The following DCDC1 variants were observed in gnomAD, a reference collection of about 807,000 sequenced individuals.
DCDC1 encodes the protein doublecortin domain-containing protein 1.
Under a neutral mutation model 178.3 loss-of-function variants are expected in DCDC1, and 200 were observed. The ratio of observed to expected loss-of-function variants is 1.12; its 90% confidence interval spans 1.00 to 1.26. DCDC1 has a LOEUF of 1.26. DCDC1 is among the 50% of genes most tolerant of loss of function. The pLI is 0.00. For missense variants in DCDC1, 1,983 were observed against 1,749.2 expected, an observed-to-expected ratio of 1.13 and a Z score of -2.38; for synonymous variants, 690 against 604.8, an observed-to-expected ratio of 1.14 and a Z score of -2.07.
chr11:30,873,047 A>G (rs769102775), intron 38 of DCDC1, among the ~76,000 whole-genome samples: 4 of 149,842 alleles, frequency 2.7e-5, no homozygotes, highest in Non-Finnish European at 5.9e-5. Flanking sequence ...TGCATATACC[A>G]TGTATATACA....
chr11:31,038,125 G>A (rs1342019251), intron 20 of DCDC1, among the ~76,000 whole-genome samples: 1 of 150,762 alleles, frequency 6.6e-6, no homozygotes, highest in African/African-American at 2.4e-5. Flanking sequence ...TGTAAATGAC[G>A]ATTTAATGGG....
At chr11:30,924,918 A>G (rs1052805032) in intron 23 of DCDC1, among the ~76,000 whole-genome samples, 1 of 152,044 alleles carries the variant, frequency 6.6e-6, no homozygotes, top group Non-Finnish European at 1.5e-5. Context: ...CCGAAAATAC[A>G]AAAAATCAGC....
chr11:31,294,754 AAGAAAT>A (rs1947506401), intron 6 of DCDC1, among the ~76,000 whole-genome samples: 1 of 149,004 alleles, frequency 6.7e-6, no homozygotes, highest in Admixed American at 6.7e-5. Flanking sequence ...GAGGAAAAGA[AAGAAAT>A]AGAAAGAGAA....
chr11:31,049,712 C>T (rs1307337226), intron 20 of DCDC1, among the ~76,000 whole-genome samples: 1 of 152,138 alleles, frequency 6.6e-6, no homozygotes, highest in Non-Finnish European at 1.5e-5. Context: ...AAAGGGAGAC[C>T]CTCCTCTCCC....
intron 3 of DCDC1, among the ~76,000 whole-genome samples, chr11:31,313,231 A>G (rs1591730596): frequency 6.6e-6 from 1 of 152,152 alleles, no homozygotes; most frequent in East Asian, 1.9e-4. Flanking sequence ...TATAAGTTAC[A>G]CATTTGCTTA....
chr11:31,296,918 T>C (rs778579806), intron 6 of DCDC1, among the ~76,000 whole-genome samples: 2 of 152,188 alleles, frequency 1.3e-5, no homozygotes, highest in Non-Finnish European at 1.5e-5. Context: ...GAGGGGATTA[T>C]ATTTCAGATT....
chr11:31,088,421 T>C (rs1297422802), intron 17 of DCDC1, among the ~76,000 whole-genome samples: 2 of 152,110 alleles, frequency 1.3e-5, no homozygotes, highest in East Asian at 3.8e-4. Context: ...TTATTTTTAA[T>C]ATTTCATTTT....
intron 9 of DCDC1, among the ~76,000 whole-genome samples, chr11:31,157,746 T>C (rs1309308953): frequency 6.6e-6 from 1 of 152,084 alleles, no homozygotes; most frequent in East Asian, 1.9e-4. Flanking sequence ...ATGAAAAATG[T>C]CTAGAAATGC....
chr11:30,903,553 C>T lies in DCDC1; in HGVS notation c.4439G>A (p.Arg1480Lys), dbSNP rs1279369686. 1 of 1,607,636 alleles carries T rather than the reference C, an allele frequency of 6.2e-7. No individual in the cohort carries two copies. The highest frequency in any genetic ancestry group is 8.5e-7 in the Non-Finnish European group (1 of 1,176,898). ...ATCTTGCTTTTGTTTCTCAGAGTCTCTCTGGAGAAAGGATTCATCTAGAGC... is the reference window on the plus strand; with the variant it reads ...ATCTTGCTTTTGTTTCTCAGAGTCTTTCTGGAGAAAGGATTCATCTAGAGC... ...LWALDESFLQ[R>K]DSEKQKQDAA... is the part of the protein sequence containing the mutation. Residue 1480 changes from arginine to lysine, a missense_variant, in exon 32 of 39, where the codon AGA (arginine) becomes AAA (lysine). Arg to Lys is a conservative substitution (Grantham distance 26). Coordinates refer to ENST00000684477, the MANE Select transcript of DCDC1 (RefSeq NM_001387274.1).
Position 31,299,168 on chromosome 11 carries a change from C to T in DCDC1, c.754+6447G>A, listed in dbSNP as rs186644395. ...CTAGTCACTCCCTTTTCTCTAAATA[C>T]TTGCGCTCTTTGTTTCTGCATGTTC... On this transcript the variant is annotated intron_variant, in intron 6 of 38. Transcript: ENST00000684477. Among the ~76,000 whole-genome samples, 154 of 152,310 alleles carry T rather than the reference C, an allele frequency of 1.0e-3. 1 individual carries two copies. Among genetic ancestry groups the T allele is most frequent in the African/African-American group, 3.4e-3 (142 of 41,572 alleles).
At chr11:30,949,769 A>AC (rs2134461650) in intron 21 of DCDC1, among the ~76,000 whole-genome samples, 1 of 141,392 alleles carries the variant, frequency 7.1e-6, no homozygotes, top group East Asian at 2.2e-4. Context: ...AAAACCAAAC[A>AC]CCGTATGTTC....
Position 30,885,450 on chromosome 11 carries a change from A to G in DCDC1, c.5083-4142T>C, listed in dbSNP as rs527302850. On this transcript the variant is annotated intron_variant, in intron 36 of 38. Transcript: ENST00000684477. ...GAAATTTCTTACAACAAATCTAATAAAGTTACATGTAATACCCTTACTACT... is the reference window on the plus strand; with the variant it reads ...GAAATTTCTTACAACAAATCTAATAGAGTTACATGTAATACCCTTACTACT... Among the ~76,000 whole-genome samples, 10 of 152,118 alleles carry G rather than the reference A, an allele frequency of 6.6e-5. 1 individual carries two copies. The South Asian group carries it at 2.1e-3, about 32-fold the overall frequency.
intron 7 of DCDC1, 109 bp downstream of exon 7, chr11:31,290,538 T>C (rs1387116217): frequency 1.7e-6 from 2 of 1,196,074 alleles, no homozygotes; most frequent in Non-Finnish European, 2.3e-6. Flanking sequence ...AATGTCTTGT[T>C]AATATTTCTA....
At chr11:31,002,792 C>T (rs1951644939) in intron 20 of DCDC1, among the ~76,000 whole-genome samples, 2 of 152,040 alleles carry the variant, frequency 1.3e-5, no homozygotes, top group African/African-American at 4.8e-5. Flanking sequence ...TGTGACCAAA[C>T]ACTCTCATCA....
rs142369803 is a variant in DCDC1 at position 30,960,628 on chromosome 11, C to T, written c.2592-8060G>A. ...ATGCAATGCTTGCAGGCAGCCTTTT[C>T]GTAGTCCCCTGGAGAACTTGCTTCT... On this transcript the variant is annotated intron_variant, in intron 20 of 38. Transcript: ENST00000684477. Among the ~76,000 whole-genome samples the T allele has an allele frequency of 1.4e-3, 210 of 152,212 alleles. 1 individual carries two copies. The highest frequency in any genetic ancestry group is 6.8e-3 in the Middle Eastern group (2 of 294).
At chr11:31,252,808 T>C (rs1944140425) in intron 8 of DCDC1, among the ~76,000 whole-genome samples, 1 of 152,112 alleles carries the variant, frequency 6.6e-6, no homozygotes, top group African/African-American at 2.4e-5. Context: ...TTCTGTTAGA[T>C]ATAAAACAGA....
At chr11:31,058,941 T>C (rs556095913) in intron 20 of DCDC1, among the ~76,000 whole-genome samples, 1 of 152,210 alleles carries the variant, frequency 6.6e-6, no homozygotes, top group South Asian at 2.1e-4. Context: ...ACTATTATAA[T>C]ACTAGACACT....
At position 31,043,751 on chromosome 11, in the gene DCDC1, G is replaced by A. The variant is rs545296107; in HGVS notation, c.2591+20718C>T. Among the ~76,000 whole-genome samples, 3 of 151,756 alleles carry A rather than the reference G, an allele frequency of 2.0e-5. No homozygotes were observed. The East Asian group carries it at 5.8e-4, about 29-fold the overall frequency. On this transcript the variant is annotated intron_variant, in intron 20 of 38. Transcript: ENST00000684477. ...TGATATTTAATTATTGTGGCTATTAGGCCTAAACTATGAGGCTGCTGAGCC... is the reference window on the plus strand; with the variant it reads ...TGATATTTAATTATTGTGGCTATTAAGCCTAAACTATGAGGCTGCTGAGCC...
intron 9 of DCDC1, among the ~76,000 whole-genome samples, chr11:31,224,811 A>G (rs895923206): frequency 6.6e-5 from 10 of 152,278 alleles, no homozygotes; most frequent in Admixed American, 2.0e-4. Context: ...ACAATGAGAC[A>G]CCACCTTACT....
Sources: allele counts gnomAD v4.1 joint callset (sites outside exome capture counted in the v4.1 genomes callset), GRCh38; gene constraint gnomAD v4.1.1; transcripts MANE v1.5; gene names NCBI Gene and HGNC (gene_info 2026-07-23, HGNC 2026-07-21).